KLHDC9: variants seen among roughly 807,000 people sequenced by gnomAD.
KLHDC9 encodes the protein kelch domain containing 9.
Under a neutral mutation model 31.5 loss-of-function variants are expected in KLHDC9, and 26 were observed. The observed-to-expected ratio is 0.83, with a 90% CI of 0.61 to 1.15. The LOEUF is 1.15. Among genes scored for constraint, KLHDC9 ranks in the 50% most tolerant of loss-of-function variants. KLHDC9 has a pLI of 0.00. For synonymous variants in KLHDC9, 176 were observed against 184.7 expected (o/e 0.95, Z 0.38); for missense variants, 437 against 467.7 (o/e 0.93, Z 0.61).
Position 161,099,449 on chromosome 1 carries a change from G to A in KLHDC9, c.631G>A (p.Gly211Ser), listed in dbSNP as rs750402122. Residue 211 changes from glycine (G) to serine (S), a missense_variant, in exon 2 of 4, where the codon GGT becomes AGT. Gly to Ser is a moderately conservative substitution (Grantham distance 56, BLOSUM62 0). Transcript: ENST00000368011. ...HPGHQLLLFG[G>S]CNLAEPEVAG... ...AGGTCATCAGCTATTGCTCTTTGGA[G>A]GTTGCAACTTAGCTGAACCAGAAGT... 1 of 1,614,254 alleles carries A rather than the reference G, an allele frequency of 6.2e-7. No individual in the cohort carries two copies. Among genetic ancestry groups the A allele is most frequent in the Admixed American group, 1.7e-5 (1 of 60,028 alleles).
Position 161,099,745 on chromosome 1 carries a change from C to T in KLHDC9, c.835C>T (p.Leu279=). The change falls in exon 3 of 4, where the codon CTG becomes TTG. Residue 279 remains leucine (L), a synonymous_variant. Transcript: ENST00000368011. ...PFAVLFGGET[L]TRARDTICND... ...TGCTGTGCTGTTTGGTGGAGAAACTCTGACCAGAGCTAGAGACACCATCTG... is the reference window on the plus strand; with the variant it reads ...TGCTGTGCTGTTTGGTGGAGAAACTTTGACCAGAGCTAGAGACACCATCTG... 6.2e-7 allele frequency: 1 copy of T among 1,614,046 alleles called. No individual in the cohort carries two copies. Among genetic ancestry groups the T allele is most frequent in the Non-Finnish European group, 8.5e-7 (1 of 1,180,014 alleles).
Position 161,100,254 on chromosome 1 carries a change from T to A in KLHDC9, c.*30T>A. On this transcript the variant is annotated 3_prime_UTR_variant, in exon 4 of 4. Coordinates refer to ENST00000368011, the MANE Select transcript of KLHDC9 (RefSeq NM_152366.5). ...TGCCAAGACACATCACTAAGCCTCG[T>A]TTTGTTTTGCTTTGTTGCAAACCTA... 1 of 1,601,216 alleles carries A rather than the reference T, an allele frequency of 6.2e-7. No homozygotes were observed. The highest frequency in any genetic ancestry group is 8.5e-7 in the Non-Finnish European group (1 of 1,170,390).
At position 161,098,982 on chromosome 1, in the gene KLHDC9, C is replaced by T. The variant is rs1170118891; in HGVS notation, c.447C>T (p.Gly149=). The T allele has an allele frequency of 6.3e-7, 1 of 1,591,564 alleles. No individual in the cohort carries two copies. ...CTGACCGAGAGCTGCAGGTGGCTGG[C>T]CGGGAGGGCGGTATCCACACTCAGC... ...RISDRELQVA[G]REGGIHTQRR... Residue 149 remains glycine (G), a synonymous_variant, in exon 1 of 4, where the codon GGC becomes GGT. Coordinates refer to ENST00000368011, the MANE Select transcript of KLHDC9 (RefSeq NM_152366.5). This position sits in a 1 kb window ranked among gnomAD's most constrained non-coding sequence, Gnocchi z 6.3.
Position 161,098,765 on chromosome 1 carries a change from C to T in KLHDC9, c.230C>T (p.Pro77Leu), listed in dbSNP as rs940581812. The change falls in exon 1 of 4, where the codon CCC (proline) becomes CTC (leucine). Residue 77 changes from proline (P) to leucine (L), a missense_variant. Coordinates refer to ENST00000368011, the MANE Select transcript of KLHDC9 (RefSeq NM_152366.5). This position sits in a 1 kb window ranked among gnomAD's most constrained non-coding sequence, Gnocchi z 6.3. Reference protein sequence around the residue: ...QAVRLGARGSPPRSHHDAAPV... With the variant: ...QAVRLGARGSLPRSHHDAAPV... ...GTACGATTGGGAGCCCGGGGCAGCC[C>T]CCCGCGCAGTCACCACGACGCGGCA... The T allele has an allele frequency of 6.2e-7, 1 of 1,600,770 alleles. No homozygotes were observed. The highest frequency in any genetic ancestry group is 1.1e-5 in the South Asian group (1 of 89,488).
chr1:161,099,650 G>A lies in KLHDC9; in HGVS notation c.740G>A (p.Ser247Asn), dbSNP rs1287070586. Residue 247 changes from serine (S) to asparagine (N), a missense_variant, in exon 3 of 4, where the codon AGC (serine) becomes AAC (asparagine). By Grantham distance (46) the Ser-to-Asn change is conservative (BLOSUM62 1). Coordinates refer to ENST00000368011, the MANE Select transcript of KLHDC9 (RefSeq NM_152366.5). ...ATGGAACAGCTTGCAAGGCTTGTGA[G>A]CAGTGGGCAGGGGTCCCAGAAGGGG... Reference protein sequence around the residue: ...HLMEQLARLVSSGQGSQKGPH... With the variant: ...HLMEQLARLVNSGQGSQKGPH... 5 of 1,614,240 alleles carry A rather than the reference G, an allele frequency of 3.1e-6. No homozygotes were observed. The highest frequency in any genetic ancestry group is 4.2e-6 in the Non-Finnish European group (5 of 1,180,048).
intron 1 of KLHDC9, 89 bp from the exon 2 acceptor site, chr1:161,099,257 T>C: frequency 4.0e-6 from 6 of 1,498,932 alleles, no homozygotes; most frequent in Non-Finnish European, 5.6e-6. Context: ...CACTGCCCCA[T>C]GCCTCTTCTC....
chr1:161,099,692 A>G lies in KLHDC9; in HGVS notation c.782A>G (p.His261Arg). ...GSQKGPHGLR[H>R]HSCSVVGPFA... ...CAGAAGGGGCCCCATGGACTACGGC[A>G]TCACTCATGTTCTGTGGTCGGGCCC... Residue 261 changes from histidine to arginine, a missense_variant, in exon 3 of 4, where the codon CAT (histidine) becomes CGT (arginine). Coordinates refer to ENST00000368011, the MANE Select transcript of KLHDC9 (RefSeq NM_152366.5). 1 of 1,614,218 alleles carries G rather than the reference A, an allele frequency of 6.2e-7. No individual in the cohort carries two copies. The highest frequency in any genetic ancestry group is 2.2e-5 in the East Asian group (1 of 44,880).
Position 161,098,983 on chromosome 1 carries a change from C to A in KLHDC9, c.448C>A (p.Arg150=). ...ISDRELQVAG[R]EGGIHTQRRY... ...TGACCGAGAGCTGCAGGTGGCTGGC[C>A]GGGAGGGCGGTATCCACACTCAGCG... Residue 150 remains arginine, a synonymous_variant, in exon 1 of 4, where the codon CGG becomes AGG. Transcript: ENST00000368011. The surrounding 1 kb of genome is among the most constrained non-coding windows in gnomAD (Gnocchi z 6.3). 6.3e-7 allele frequency: 1 copy of A among 1,591,772 alleles called. No homozygotes were observed. The highest frequency in any genetic ancestry group is 2.3e-5 in the East Asian group (1 of 44,264).
chr1:161,100,190 C>T lies in KLHDC9; in HGVS notation c.1016C>T (p.Ala339Val). ...GGTTTTGGTGAGGATGGCAGGACAG[C>T]CAGTCCACAGGTTTGCATCCTGGAC... is the stretch of plus-strand genomic sequence containing the variant. ...VGGFGEDGRT[A>V]SPQVCILDFI Residue 339 changes from alanine (A) to valine (V), a missense_variant, in exon 4 of 4, where the codon GCC (alanine) becomes GTC (valine). By Grantham distance (64) the Ala-to-Val change is moderately conservative. Transcript: ENST00000368011. 6.2e-7 allele frequency: 1 copy of T among 1,614,196 alleles called. No individual in the cohort carries two copies.
chr1:161,099,296 T>C, intron 1 of KLHDC9, 50 bp from the exon 2 acceptor site: 1 of 1,611,370 alleles, frequency 6.2e-7, no homozygotes, highest in Non-Finnish European at 8.5e-7. Flanking sequence ...GCGGTGGCAC[T>C]TACATTTTCC....
At chr1:161,099,575 A>G (rs755674250) in intron 2 of KLHDC9, 23 bp from the exon 3 acceptor site, 2 of 1,614,174 alleles carry the variant, frequency 1.2e-6, no homozygotes, top group Non-Finnish European at 8.5e-7. Flanking sequence ...GTCTCTTCGG[A>G]CAGTCCTTTC....
At position 161,099,346 on chromosome 1, in the gene KLHDC9, C is replaced by T. The variant is rs541844589; in HGVS notation, c.528C>T (p.Cys176=). The change falls in exon 2 of 4, where the codon TGC becomes TGT. Residue 176 remains cysteine (C), a splice_region_variant and synonymous_variant. Transcript: ENST00000368011. ...GCCCTGAATTTCTGCATGTCCACAG[C>T]TACAAGCAAGAAGGCTGCCACACAG... ...LRLDPSARTY[C]YKQEGCHTAS... is the part of the protein sequence containing the mutation. The T allele has an allele frequency of 3.1e-6, 5 of 1,614,188 alleles. No homozygotes were observed. The East Asian group carries it at 8.9e-5, about 29-fold the overall frequency.
Position 161,099,674 on chromosome 1 carries a change from G to A in KLHDC9, c.764G>A (p.Gly255Glu), listed in dbSNP as rs1654483243. ...AGCAGTGGGCAGGGGTCCCAGAAGG[G>A]GCCCCATGGACTACGGCATCACTCA... ...LVSSGQGSQK[G>E]PHGLRHHSCS... Residue 255 changes from glycine to glutamate, a missense_variant, in exon 3 of 4, where the codon GGG becomes GAG. By Grantham distance (98) the Gly-to-Glu change is moderately conservative. Transcript: ENST00000368011. 6.2e-7 allele frequency: 1 copy of A among 1,614,220 alleles called. No homozygotes were observed. The highest frequency in any genetic ancestry group is 8.5e-7 in the Non-Finnish European group (1 of 1,180,042).
Position 161,099,727 on chromosome 1 carries a change from C to T in KLHDC9, c.817C>T (p.Leu273=). 1 of 1,614,020 alleles carries T rather than the reference C, an allele frequency of 6.2e-7. No homozygotes were observed. The part of the protein sequence containing the change: ...SCSVVGPFAV[L]FGGETLTRAR... The stretch of plus-strand genomic sequence containing the variant: ...TTCTGTGGTCGGGCCCTTTGCTGTG[C>T]TGTTTGGTGGAGAAACTCTGACCAG... Residue 273 remains leucine (L), a synonymous_variant, in exon 3 of 4, where the codon CTG becomes TTG. Transcript: ENST00000368011.
rs555977167 is a variant in KLHDC9, at chr1:161,099,905, G to T, written c.886+109G>T. On this transcript the variant is annotated intron_variant, in intron 3 of 3. Transcript: ENST00000368011. ...GGGTAGGGAGGAGGAAAAATTAGTT[G>T]ACAGGAGTTAAAGGAGTACACAGAA... is the stretch of plus-strand genomic sequence containing the variant. 4.4e-6 allele frequency: 6 copies of T among 1,354,580 alleles called. No homozygotes were observed. In the East Asian group the frequency reaches 1.4e-4, roughly 31 times the overall value. 83.9% of individuals were successfully genotyped at this position (1,354,580 alleles called of 1,614,324 possible).
chr1:161,098,474 C>G lies in KLHDC9; in HGVS notation c.-62C>G. On this transcript the variant is annotated 5_prime_UTR_variant, in exon 1 of 4. Transcript: ENST00000368011. This position sits in a 1 kb window ranked among gnomAD's most constrained non-coding sequence, Gnocchi z 6.3. Reference sequence around the variant, plus strand: ...AGCCCGCGGAAGGCGAGGTGCCTGGCCTGCCATGTAGGGGCTCGTTCCAAG... The same window carrying G: ...AGCCCGCGGAAGGCGAGGTGCCTGGGCTGCCATGTAGGGGCTCGTTCCAAG... 7.2e-7 allele frequency: 1 copy of G among 1,397,882 alleles called. No individual in the cohort carries two copies. Among genetic ancestry groups the G allele is most frequent in the South Asian group, 1.5e-5 (1 of 67,286 alleles). 86.6% of individuals were successfully genotyped at this position (1,397,882 alleles called of 1,614,324 possible).
rs761419585 is a variant in KLHDC9 at position 161,099,788 on chromosome 1, A to G, written c.878A>G (p.Tyr293Cys). 18 of 1,612,828 alleles carry G rather than the reference A, an allele frequency of 1.1e-5. No individual in the cohort carries two copies. The Middle Eastern group carries it at 4.9e-4, about 44-fold the overall frequency. ...ACCATCTGCAATGATCTCTACATCT[A>G]TGATACTCGTGAGAGCCAGACTAAT... ...RDTICNDLYI[Y>C]DTRTSPPLWF... Residue 293 changes from tyrosine to cysteine, a missense_variant, in exon 3 of 4, where the codon TAT becomes TGT. Physicochemically the swap from Tyr to Cys is radical, Grantham distance 194 (BLOSUM62 -2). Transcript: ENST00000368011.
Position 161,100,334 on chromosome 1 carries a change from ATC to A in KLHDC9, c.*112_*113del. Reference sequence around the variant, plus strand: ...CACTTCAAATGCTTATTAAATTTCAATCTGAGACTCAAGATTTGTCTCTGAAA... The same window carrying A: ...CACTTCAAATGCTTATTAAATTTCAATGAGACTCAAGATTTGTCTCTGAAA... On this transcript the variant is annotated 3_prime_UTR_variant, in exon 4 of 4. Coordinates refer to ENST00000368011, the MANE Select transcript of KLHDC9 (RefSeq NM_152366.5). 8.4e-7 allele frequency: 1 copy of A among 1,188,228 alleles called. No homozygotes were observed. The highest frequency in any genetic ancestry group is 1.5e-5 in the African/African-American group (1 of 65,488). 73.6% of individuals were successfully genotyped at this position (1,188,228 alleles called of 1,614,324 possible).
rs961885573 is a variant in KLHDC9 at position 161,099,424 on chromosome 1, A to G, written c.606A>G (p.Pro202=). The change falls in exon 2 of 4, where the codon CCA becomes CCG. Residue 202 remains proline (P), a synonymous_variant. Transcript: ENST00000368011. ...AALLQTPGPH[P]GHQLLLFGGC... is the part of the protein sequence containing the mutation. The stretch of plus-strand genomic sequence containing the variant: ...TGCTCCAAACTCCTGGACCCCATCC[A>G]GGTCATCAGCTATTGCTCTTTGGAG... 1 of 1,614,270 alleles carries G rather than the reference A, an allele frequency of 6.2e-7. No homozygotes were observed. Among genetic ancestry groups the G allele is most frequent in the East Asian group, 2.2e-5 (1 of 44,896 alleles).
Sources: gnomAD v4.1 joint callset for allele counts on GRCh38, gnomAD v4.1.1 for gene constraint, Gnocchi (gnomAD v3.1) non-coding constraint, MANE v1.5 for transcripts, NCBI Gene and HGNC (gene_info 2026-07-23, HGNC 2026-07-21) for gene names.